MMP28: variants seen among roughly 807,000 people sequenced by gnomAD.
MMP28 encodes the protein matrix metalloproteinase-28.
MMP28 carries 55 observed loss-of-function variants against 60.5 expected under a neutral mutation model. That is an observed-to-expected ratio of 0.91 (90% CI 0.73 to 1.14). The LOEUF (loss-of-function observed/expected upper bound fraction) is 1.14. Ranked by LOEUF, MMP28 falls within the 50% of genes most tolerant of loss-of-function variation. The pLI is 0.00. For synonymous variants in MMP28, 318 were observed against 312.5 expected (o/e 1.02, Z -0.18); for missense variants, 686 against 738.3 (o/e 0.93, Z 0.82).
At position 35,795,473 on chromosome 17, in the gene MMP28, T is replaced by C. The variant is rs1048580276; in HGVS notation, c.-96A>G. 11 of 854,406 alleles carry C rather than the reference T, an allele frequency of 1.3e-5. No individual in the cohort carries two copies. The highest frequency in any genetic ancestry group is 1.8e-5 in the Non-Finnish European group (11 of 613,200). 52.9% of individuals were successfully genotyped at this position (854,406 alleles called of 1,614,324 possible). ...CCCGGGACCCCGGGGATGGGACTGCTCTGCGCCGCCCCCGCACGGAGAGGG... is the reference window on the plus strand; with the variant it reads ...CCCGGGACCCCGGGGATGGGACTGCCCTGCGCCGCCCCCGCACGGAGAGGG... On this transcript the variant is annotated 5_prime_UTR_variant, in exon 1 of 8. Coordinates refer to ENST00000605424, the MANE Select transcript of MMP28 (RefSeq NM_024302.5).
chr17:35,768,162 G>C (rs2086003250), intron 6 of MMP28, 68 bp downstream of exon 6: 1 of 1,511,122 alleles, frequency 6.6e-7, no homozygotes, highest in African/African-American at 1.4e-5. Flanking sequence ...AACTTGTACT[G>C]CAGCTCTGGA....
At chr17:35,775,296 CT>C (rs1290046510) in intron 3 of MMP28, among the ~76,000 whole-genome samples, 5 of 152,206 alleles carry the variant, frequency 3.3e-5, no homozygotes, top group South Asian at 2.1e-4. Flanking sequence ...GCCCTTGCCC[CT>C]GTCTCCCTCC....
intron 2 of MMP28, chr17:35,757,470 C>T (rs1555600692): frequency 6.6e-6 from 1 of 152,112 alleles, no homozygotes; most frequent in Non-Finnish European, 1.5e-5. Flanking sequence ...CATTTTGTAA[C>T]CAAGAGGAGA....
chr17:35,756,379 T>C (rs2085737740), exon 3 of MMP28: 2 of 985,310 alleles, frequency 2.0e-6, no homozygotes, highest in Admixed American at 1.2e-4. Context: ...TTGTTGTTAC[T>C]TACATAGTCA....
intron 1 of MMP28, among the ~76,000 whole-genome samples, chr17:35,784,179 G>T (rs1439986675): frequency 2.0e-5 from 3 of 151,954 alleles, no homozygotes; most frequent in South Asian, 4.2e-4. Context: ...CTACTCGGGA[G>T]GCTGAGGCAG....
chr17:35,793,872 C>T (rs1169545893), intron 1 of MMP28, among the ~76,000 whole-genome samples: 1 of 152,114 alleles, frequency 6.6e-6, no homozygotes, highest in Non-Finnish European at 1.5e-5. Context: ...CCAAGGCAGG[C>T]GGATCACTTA....
chr17:35,764,222 T>G (rs1210100745), downstream of MMP28: 1 of 1,545,270 alleles, frequency 6.5e-7, no homozygotes, highest in Non-Finnish European at 8.7e-7. Context: ...GCGCCAGGAG[T>G]CCAGCACCCA....
intron 1 of MMP28, among the ~76,000 whole-genome samples, chr17:35,783,211 T>C (rs2086556831): frequency 1.3e-5 from 2 of 152,252 alleles, no homozygotes; most frequent in Non-Finnish European, 2.9e-5. Flanking sequence ...CTTGATCTTA[T>C]TCAGCGTTCT....
rs370434781 is a variant in MMP28 at position 35,770,197 on chromosome 17, G to A, written c.720C>T (p.His240=). The A allele has an allele frequency of 5.1e-5, 82 of 1,603,930 alleles. No homozygotes were observed. The highest frequency in any genetic ancestry group is 8.4e-5 in the Admixed American group (5 of 59,582). The change falls in exon 5 of 8, where the codon CAC becomes CAT. Residue 240 remains histidine, a synonymous_variant. Coordinates refer to ENST00000605424, the MANE Select transcript of MMP28 (RefSeq NM_024302.5). ...RGRNLFVVLA[H]EIGHTLGLTH... is the part of the protein sequence containing the mutation. ...TGAGGCCAAGCGTGTGACCGATCTC[G>A]TGCGCCAGCACCACGAACAGGTTGC...
At chr17:35,785,649 GT>G (rs1002176159) in intron 1 of MMP28, among the ~76,000 whole-genome samples, 19 of 152,194 alleles carry the variant, frequency 1.2e-4, no homozygotes, top group African/African-American at 4.6e-4. Context: ...GGGTTTCACC[GT>G]TTCAGGCAGC....
downstream of MMP28, chr17:35,760,888 C>A (rs149352438): frequency 6.1e-4 from 989 of 1,610,612 alleles, 4 homozygotes; most frequent in African/African-American, 0.012. Context: ...GTTCTGGGCA[C>A]CCTCTCACAT....
chr17:35,763,821 C>G (rs1358961062), downstream of MMP28, among the ~76,000 whole-genome samples: 2 of 151,654 alleles, frequency 1.3e-5, no homozygotes, highest in African/African-American at 4.8e-5. Flanking sequence ...CGCTTGAGCC[C>G]GTGAGGCGGA....
At chr17:35,764,297 C>A, downstream of MMP28, 2 of 1,510,710 alleles carry the variant, frequency 1.3e-6, no homozygotes, top group Admixed American at 2.1e-5. Context: ...CTTAGCGCTG[C>A]TGGGCGGCCT....
At position 35,778,910 on chromosome 17, in the gene MMP28, A is replaced by C; in HGVS notation, c.357T>G (p.Arg119=). ...CACCTTGCTTTGCAAAGCGTTTCTT[A>C]CGCCTCATTTTGGTCCGGTGTCTAG... ...LFARHRTKMR[R]KKRFAKQGNK... is the part of the protein sequence containing the mutation. Residue 119 remains arginine, a synonymous_variant, in exon 3 of 8, where the codon CGT becomes CGG. Transcript: ENST00000605424. 6.2e-7 allele frequency: 1 copy of C among 1,613,946 alleles called. No homozygotes were observed. The highest frequency in any genetic ancestry group is 8.5e-7 in the Non-Finnish European group (1 of 1,179,890).
intron 1 of MMP28, among the ~76,000 whole-genome samples, chr17:35,788,441 T>C (rs2086717786): frequency 6.6e-6 from 1 of 152,162 alleles, no homozygotes; most frequent in African/African-American, 2.4e-5. Context: ...ATGCTTCCAC[T>C]ACCCAAATCC....
downstream of MMP28, chr17:35,764,283 G>A (rs1399881142): frequency 4.6e-6 from 7 of 1,526,782 alleles, no homozygotes; most frequent in Non-Finnish European, 6.1e-6. Context: ...GGCTGGCTCG[G>A]CCCCTTAGCG....
intron 1 of MMP28, among the ~76,000 whole-genome samples, chr17:35,779,822 A>G (rs995528298): frequency 3.3e-5 from 5 of 152,242 alleles, no homozygotes; most frequent in African/African-American, 9.6e-5. Context: ...CACTTAGCAC[A>G]GTGCCTATTA....
At chr17:35,774,824 C>T (rs1329865255) in intron 3 of MMP28, among the ~76,000 whole-genome samples, 2 of 152,168 alleles carry the variant, frequency 1.3e-5, no homozygotes, top group Non-Finnish European at 2.9e-5. Flanking sequence ...GAGGGAAGAC[C>T]TGGGGTCCAG....
At chr17:35,789,985 T>C (rs9901469) in intron 1 of MMP28, among the ~76,000 whole-genome samples, 25,392 of 150,888 alleles carry the variant, frequency 0.17, 3,702 homozygotes, top group African/African-American at 0.4. Context: ...TAGTCTCGAA[T>C]TCCTGATCTC....
Sources: allele counts gnomAD v4.1 joint callset (sites outside exome capture counted in the v4.1 genomes callset), GRCh38; gene constraint gnomAD v4.1.1; transcripts MANE v1.5; gene names NCBI Gene and HGNC (gene_info 2026-07-23, HGNC 2026-07-21).